Variants in SPECC1L observed in about 807,000 individuals in gnomAD.
SPECC1L encodes the protein sperm antigen with calponin homology and coiled-coil domains 1 like.
SPECC1L carries 40 observed loss-of-function variants against 116.8 expected under a neutral mutation model. The observed-to-expected ratio is 0.34, with a 90% CI of 0.27 to 0.45. The LOEUF (loss-of-function observed/expected upper bound fraction) is 0.45, where lower values mean the gene tolerates loss of function less well. Among genes scored for constraint, SPECC1L ranks in the 20% least tolerant of loss-of-function variants. The pLI is 1.00. For missense variants in SPECC1L, 1,110 were observed against 1,373.6 expected (o/e 0.81, Z 3.03); for synonymous variants, 504 against 500.6 (o/e 1.01, Z -0.09).
chr22:24,370,398 C>T (rs1209676776), intron 14 of SPECC1L, among the ~76,000 whole-genome samples: 1 of 151,512 alleles, frequency 6.6e-6, no homozygotes, highest in Non-Finnish European at 1.5e-5. Flanking sequence ...TCCATGCCAG[C>T]TTCCACTGGC....
intron 15 of SPECC1L, chr22:24,412,328 G>C (rs2042714629): frequency 2.3e-6 from 1 of 438,180 alleles, no homozygotes; most frequent in East Asian, 4.9e-5. Flanking sequence ...AAGCTCATTT[G>C]ATGAGTGTTC....
At chr22:24,363,374 A>T (rs1355871532) in intron 12 of SPECC1L, 30 bp downstream of exon 12, 4 of 1,593,476 alleles carry the variant, frequency 2.5e-6, no homozygotes, top group Non-Finnish European at 3.4e-6. Flanking sequence ...TTTTTGTTGT[A>T]TTTGTTGTTT....
intron 3 of SPECC1L, among the ~76,000 whole-genome samples, chr22:24,303,312 A>G (rs1465933109): frequency 6.6e-6 from 1 of 152,160 alleles, no homozygotes; most frequent in African/African-American, 2.4e-5. Context: ...TCGGAGATGC[A>G]CACAGATTTT....
chr22:24,302,366 A>G lies in SPECC1L; in HGVS notation c.135A>G (p.Thr45=), dbSNP rs201855806. The G allele has an allele frequency of 1.9e-5, 30 of 1,614,064 alleles. No homozygotes were observed. Among genetic ancestry groups the G allele is most frequent in the Non-Finnish European group, 2.5e-5 (30 of 1,180,048 alleles). ...STGGKLVKPG[T]AASLSKTKSS... ...GAGGCAAACTTGTAAAACCTGGAAC[A>G]GCAGCATCATTGTCAAAGGTATTCA... Residue 45 remains threonine, a synonymous_variant, in exon 3 of 17, where the codon ACA becomes ACG. Coordinates refer to ENST00000314328, the MANE Select transcript of SPECC1L (RefSeq NM_015330.6).
intron 4 of SPECC1L, among the ~76,000 whole-genome samples, chr22:24,320,430 T>C (rs2040698385): frequency 6.6e-6 from 1 of 152,224 alleles, no homozygotes; most frequent in African/African-American, 2.4e-5. Flanking sequence ...TATTTAACAT[T>C]AGTGCTTCGT....
chr22:24,321,651 A>G lies in SPECC1L; in HGVS notation c.671A>G (p.Glu224Gly), dbSNP rs144274848. ...GINEDHSEGDEKSEKETIMAH... is the reference protein window; with the variant it reads ...GINEDHSEGDGKSEKETIMAH... Reference sequence around the variant, plus strand: ...AATGAGGATCATTCTGAGGGTGATGAAAAATCTGAGAAGGAAACTATTATG... The same window carrying G: ...AATGAGGATCATTCTGAGGGTGATGGAAAATCTGAGAAGGAAACTATTATG... The change falls in exon 5 of 17, where the codon GAA becomes GGA. Residue 224 changes from glutamate to glycine, a missense_variant. Coordinates refer to ENST00000314328, the MANE Select transcript of SPECC1L (RefSeq NM_015330.6). 100 of 1,614,120 alleles carry G rather than the reference A, an allele frequency of 6.2e-5. No individual in the cohort carries two copies. Among genetic ancestry groups the G allele is most frequent in the Non-Finnish European group, 8.5e-5 (100 of 1,180,050 alleles).
chr22:24,409,031 C>T (rs1273944123), intron 14 of SPECC1L, among the ~76,000 whole-genome samples: 1 of 152,170 alleles, frequency 6.6e-6, no homozygotes, highest in African/African-American at 2.4e-5. Flanking sequence ...CCCCACCTGC[C>T]CTTGTCTCTG....
At chr22:24,383,792 A>ATTTTTTTTTTTTTTTT (rs538972717) in intron 14 of SPECC1L, among the ~76,000 whole-genome samples, 8 of 77,334 alleles carry the variant, frequency 1.0e-4, no homozygotes, top group South Asian at 5.5e-4. Flanking sequence ...ACCCACCACT[A>ATTTTTTTTTTTTTTTT]TTTTTTTTTT....
chr22:24,334,431 G>A lies in SPECC1L; in HGVS notation c.2418G>A (p.Arg806=). Residue 806 remains arginine (R), a synonymous_variant, in exon 9 of 17, where the codon CGG becomes CGA. Transcript: ENST00000314328. ...TCAGGCAAGAGGAGGAGCGAGGCCGGGTATACAATTACATGAATGCCGTTG... is the reference window on the plus strand; with the variant it reads ...TCAGGCAAGAGGAGGAGCGAGGCCGAGTATACAATTACATGAATGCCGTTG... ...KSRKQEEERG[R]VYNYMNAVER... is the part of the protein sequence containing the mutation. 6.2e-7 allele frequency: 1 copy of A among 1,614,106 alleles called. No individual in the cohort carries two copies. Among genetic ancestry groups the A allele is most frequent in the Non-Finnish European group, 8.5e-7 (1 of 1,180,032 alleles).
intron 3 of SPECC1L, among the ~76,000 whole-genome samples, chr22:24,308,725 A>G (rs780755453): frequency 1.3e-5 from 2 of 152,056 alleles, no homozygotes; most frequent in Non-Finnish European, 2.9e-5. Flanking sequence ...ATCAGTTAGT[A>G]TTGTGATTTT....
intron 3 of SPECC1L, among the ~76,000 whole-genome samples, chr22:24,304,142 A>G (rs1320198105): frequency 6.6e-6 from 1 of 151,890 alleles, no homozygotes; most frequent in African/African-American, 2.4e-5. Flanking sequence ...TACAATTTGA[A>G]TTCCTTTAAC....
chr22:24,350,767 G>C (rs2041405272), intron 11 of SPECC1L, among the ~76,000 whole-genome samples: 1 of 152,154 alleles, frequency 6.6e-6, no homozygotes, highest in Non-Finnish European at 1.5e-5. Context: ...TCAGCCTTTT[G>C]ACCTTCTTCA....
chr22:24,325,954 TG>T (rs2040813310), intron 6 of SPECC1L, among the ~76,000 whole-genome samples: 2 of 152,170 alleles, frequency 1.3e-5, no homozygotes, highest in African/African-American at 4.8e-5. Flanking sequence ...TGTTTTTTGC[TG>T]TTTGTTTGCT....
intron 2 of SPECC1L, among the ~76,000 whole-genome samples, chr22:24,301,851 C>A (rs1208389866): frequency 6.6e-6 from 1 of 152,030 alleles, no homozygotes; most frequent in South Asian, 2.1e-4. Context: ...TCGAGACCAT[C>A]CTGGCTAACA....
At chr22:24,395,748 G>A (rs978334688) in intron 14 of SPECC1L, among the ~76,000 whole-genome samples, 4 of 151,780 alleles carry the variant, frequency 2.6e-5, no homozygotes, top group South Asian at 2.1e-4. Flanking sequence ...AGCAATTCTC[G>A]TGCCTCAGCC....
chr22:24,352,415 C>T (rs1373157883), intron 11 of SPECC1L, among the ~76,000 whole-genome samples: 1 of 152,074 alleles, frequency 6.6e-6, no homozygotes, highest in African/African-American at 2.4e-5. Flanking sequence ...ATATAGATGT[C>T]TTAAGAAGTT....
intron 10 of SPECC1L, among the ~76,000 whole-genome samples, chr22:24,346,757 A>G (rs1041803802): frequency 6.6e-6 from 1 of 152,176 alleles, no homozygotes; most frequent in Non-Finnish European, 1.5e-5. Flanking sequence ...CTATATCAGT[A>G]TTTGGCTAAT....
At chr22:24,302,489 G>T in intron 3 of SPECC1L, 105 bp downstream of exon 3, 3 of 1,451,702 alleles carry the variant, frequency 2.1e-6, no homozygotes, top group East Asian at 2.3e-5. Context: ...CCCTCTTCTG[G>T]TGCTGGGAAC....
intron 14 of SPECC1L, among the ~76,000 whole-genome samples, chr22:24,386,638 C>A (rs6004145): frequency 9.9e-5 from 15 of 152,008 alleles, no homozygotes; most frequent in African/African-American, 3.1e-4. Flanking sequence ...GAGTCTTGCT[C>A]TGTCATCCAG....
Sources: allele counts gnomAD v4.1 joint callset (sites outside exome capture counted in the v4.1 genomes callset), GRCh38; gene constraint gnomAD v4.1.1; transcripts MANE v1.5; gene names NCBI Gene and HGNC (gene_info 2026-07-23, HGNC 2026-07-21).